Variants in CACHD1 observed in about 807,000 individuals in gnomAD.
CACHD1 encodes the protein VWFA and cache domain-containing protein 1.
In CACHD1, 71 loss-of-function variants were observed where a neutral mutation model predicts 138.7. The observed-to-expected ratio is 0.51, with a 90% CI of 0.42 to 0.62. CACHD1 has a LOEUF of 0.62. CACHD1 is among the 20% of genes least tolerant of loss of function. CACHD1 has a pLI of 0.00. For synonymous variants in CACHD1, 578 were observed against 591.5 expected (o/e 0.98, Z 0.33); for missense variants, 1,389 against 1,625.3 (o/e 0.85, Z 2.50).
chr1:64,603,369 G>A (rs972468433), intron 4 of CACHD1, among the ~76,000 whole-genome samples: 1 of 151,988 alleles, frequency 6.6e-6, no homozygotes, highest in Non-Finnish European at 1.5e-5. Context: ...CTCCCAAAGT[G>A]CTGAGATTAC....
At chr1:64,477,636 T>TATTA (rs1646183293) in intron 1 of CACHD1, among the ~76,000 whole-genome samples, 1 of 144,970 alleles carries the variant, frequency 6.9e-6, no homozygotes, top group African/African-American at 2.6e-5. Flanking sequence ...TTTATTTTAT[T>TATTA]TTTTTTTTTG....
intron 3 of CACHD1, among the ~76,000 whole-genome samples, chr1:64,590,376 A>G (rs914583848): frequency 2.6e-5 from 4 of 151,778 alleles, no homozygotes; most frequent in African/African-American, 9.7e-5. Context: ...CTGCCTGGAA[A>G]GGAATCTCAG....
intron 26 of CACHD1, among the ~76,000 whole-genome samples, chr1:64,682,859 A>G (rs1319341193): frequency 6.6e-6 from 1 of 151,954 alleles, no homozygotes; most frequent in Non-Finnish European, 1.5e-5. Context: ...CCACAAAAAT[A>G]TAACAGATGT....
At chr1:64,689,117 CAT>C (rs61230054) in intron 26 of CACHD1, among the ~76,000 whole-genome samples, 9,327 of 152,240 alleles carry the variant, frequency 0.061, 348 homozygotes, top group African/African-American at 0.1. Flanking sequence ...GGTGGACACA[CAT>C]GTCTCCCATC....
At chr1:64,625,781 A>T (rs1436755) in intron 4 of CACHD1, among the ~76,000 whole-genome samples, 150,189 of 152,086 alleles carry the variant, frequency 0.99, 74,196 homozygotes, top group Middle Eastern at 1. Context: ...ATAAAAAAAA[A>T]TTTTTTAAAG....
chr1:64,574,895 G>GA (rs1209764748), intron 2 of CACHD1, among the ~76,000 whole-genome samples: 1 of 152,070 alleles, frequency 6.6e-6, no homozygotes, highest in African/African-American at 2.4e-5. Flanking sequence ...TTTAATCTAA[G>GA]AAAAAATGCT....
In CACHD1 at chr1:64,604,665, T is replaced by C. The variant is rs770181635; in HGVS notation, c.517+1753T>C. Among the ~76,000 whole-genome samples, 28 of 152,360 alleles carry C rather than the reference T, an allele frequency of 1.8e-4. 1 individual carries two copies. The highest frequency in any genetic ancestry group is 1.2e-3 in the Admixed American group (18 of 15,304). On this transcript the variant is annotated intron_variant, in intron 4 of 26. Transcript: ENST00000651257. ...GGTAACTCATGGGTTGTTTCTTTTT[T>C]TCTTTGAGATAGAGTCTTGCTATGT...
intron 21 of CACHD1, among the ~76,000 whole-genome samples, chr1:64,676,556 C>T (rs1570474992): frequency 6.6e-6 from 1 of 152,126 alleles, no homozygotes; most frequent in Non-Finnish European, 1.5e-5. Flanking sequence ...GCAACCTCTA[C>T]CTCCAAAGCT....
chr1:64,597,524 GTTTTTTTTTTTTT>G (rs34162933), intron 3 of CACHD1, among the ~76,000 whole-genome samples: 3 of 80,404 alleles, frequency 3.7e-5, no homozygotes, highest in African/African-American at 4.7e-5. Context: ...TTTTTTTGTT[GTTTTTTTTTTTTT>G]TTTTTTTTTT....
In CACHD1 at chr1:64,527,766, G is replaced by T. The variant is rs552508440; in HGVS notation, c.199-22828G>T. Among the ~76,000 whole-genome samples, 9 of 152,254 alleles carry T rather than the reference G, an allele frequency of 5.9e-5. No individual in the cohort carries two copies. In the East Asian group the frequency reaches 1.5e-3, roughly 26 times the overall value. The stretch of plus-strand genomic sequence containing the variant: ...TTATATTTTATTTTTTGTAGTAGGG[G>T]TCAGCAAGTACTGATGTTGATCTGA... On this transcript the variant is annotated intron_variant, in intron 1 of 26. Coordinates refer to ENST00000651257, the MANE Select transcript of CACHD1 (RefSeq NM_020925.4).
chr1:64,496,782 G>T (rs1646308508), intron 1 of CACHD1, among the ~76,000 whole-genome samples: 1 of 150,254 alleles, frequency 6.7e-6, no homozygotes, highest in African/African-American at 2.5e-5. Context: ...GAAGTCACAT[G>T]ACATGGACTG....
At chr1:64,603,099 C>CTTTTTTTTTTTTTTTTTTTTTTTTTT (rs34372401) in intron 4 of CACHD1, among the ~76,000 whole-genome samples, 187 bp downstream of exon 4, 1 of 64,896 alleles carries the variant, frequency 1.5e-5, no homozygotes. Context: ...AAGCTTACAT[C>CTTTTTTTTTTTTTTTTTTTTTTTTTT]TTTTTTTTTT....
intron 1 of CACHD1, among the ~76,000 whole-genome samples, chr1:64,496,188 T>C (rs1646305580): frequency 6.6e-6 from 1 of 152,216 alleles, no homozygotes. Context: ...ATTTCACTTC[T>C]GGTAGTAGGC....
intron 9 of CACHD1, among the ~76,000 whole-genome samples, chr1:64,649,567 G>GT (rs754131420): frequency 6.6e-6 from 1 of 152,116 alleles, no homozygotes; most frequent in Non-Finnish European, 1.5e-5. Context: ...CTCAGTAAGC[G>GT]TAAGTCTGAT....
At chr1:64,503,928 CTT>C (rs1213707186) in intron 1 of CACHD1, among the ~76,000 whole-genome samples, 2 of 152,216 alleles carry the variant, frequency 1.3e-5, no homozygotes, top group Non-Finnish European at 1.5e-5. Context: ...TATAATAGCT[CTT>C]GTCATTCTGC....
chr1:64,682,780 A>G (rs1650234808), intron 26 of CACHD1, among the ~76,000 whole-genome samples: 1 of 152,184 alleles, frequency 6.6e-6, no homozygotes, highest in South Asian at 2.1e-4. Context: ...TCCTTCTCAG[A>G]GTCCATATCG....
At chr1:64,503,522 A>G (rs1010452287) in intron 1 of CACHD1, among the ~76,000 whole-genome samples, 13 of 152,242 alleles carry the variant, frequency 8.5e-5, no homozygotes, top group African/African-American at 3.1e-4. Context: ...ACATGTGAAT[A>G]AAGAGAGTAC....
intron 8 of CACHD1, among the ~76,000 whole-genome samples, chr1:64,645,620 G>A (rs888604262): frequency 2.0e-5 from 3 of 152,144 alleles, no homozygotes; most frequent in African/African-American, 7.2e-5. Flanking sequence ...CCAGGTTGGG[G>A]CCTGCTGGGA....
At chr1:64,493,919 G>T (rs1646292481) in intron 1 of CACHD1, among the ~76,000 whole-genome samples, 1 of 152,188 alleles carries the variant, frequency 6.6e-6, no homozygotes, top group Admixed American at 6.5e-5. Flanking sequence ...TTTGTGGAAG[G>T]GAGCCTTTGT....
Sources: gnomAD v4.1 joint callset for allele counts (sites outside exome capture counted in the v4.1 genomes callset) on GRCh38, gnomAD v4.1.1 for gene constraint, MANE v1.5 for transcripts, NCBI Gene and HGNC (gene_info 2026-07-23, HGNC 2026-07-21) for gene names.